Variants in RBFOX1 observed in about 807,000 individuals in gnomAD.
The protein encoded by RBFOX1 is RNA binding fox-1 homolog 1.
A neutral mutation model predicts 57.7 loss-of-function variants in RBFOX1; 8 were observed. The ratio of observed to expected loss-of-function variants is 0.14; its 90% CI spans 0.08 to 0.25. The LOEUF is 0.25. Among genes scored for constraint, RBFOX1 ranks in the 10% least tolerant of loss-of-function variants. RBFOX1 has a pLI of 1.00. For missense variants in RBFOX1, 611 were observed against 548.5 expected, an observed-to-expected ratio of 1.11 and a Z score of -1.14; for synonymous variants, 326 against 222.4, an observed-to-expected ratio of 1.47 and a Z score of -4.15.
chr16:6,871,954 TG>T (rs1372934814), intron 3 of RBFOX1, among the ~76,000 whole-genome samples: 4 of 150,242 alleles, frequency 2.7e-5, no homozygotes, highest in African/African-American at 4.9e-5. Context: ...TGTGTGTGTG[TG>T]TGTGTGTTTC....
intron 2 of RBFOX1, among the ~76,000 whole-genome samples, chr16:6,642,933 C>T (rs998665277): frequency 2.0e-5 from 3 of 152,144 alleles, no homozygotes; most frequent in South Asian, 2.1e-4. Flanking sequence ...AGTTTACATG[C>T]GTTGTTTGCT....
intron 4 of RBFOX1, among the ~76,000 whole-genome samples, chr16:7,230,047 GAA>G (rs2093407611): frequency 2.8e-5 from 2 of 70,200 alleles, no homozygotes; most frequent in African/African-American, 4.0e-5. Context: ...GGAGAGAGAG[GAA>G]GGAAAGGAGA....
At chr16:5,251,392 G>A (rs1252762191) in intron 1 of RBFOX1, among the ~76,000 whole-genome samples, 3 of 152,220 alleles carry the variant, frequency 2.0e-5, no homozygotes, top group Non-Finnish European at 4.4e-5. Flanking sequence ...CACGTGTGGG[G>A]CAGGGCTGTT....
At chr16:6,231,131 G>A (rs1236620718) in intron 1 of RBFOX1, among the ~76,000 whole-genome samples, 3 of 152,054 alleles carry the variant, frequency 2.0e-5, no homozygotes, top group East Asian at 1.9e-4. Context: ...TAATTAAGCT[G>A]AAATCTGAAT....
At chr16:6,231,078 C>G (rs966208418) in intron 1 of RBFOX1, among the ~76,000 whole-genome samples, 2 of 151,990 alleles carry the variant, frequency 1.3e-5, no homozygotes, top group South Asian at 4.2e-4. Flanking sequence ...AAAGAAGGGT[C>G]TATTTGGGTA....
intron 2 of RBFOX1, among the ~76,000 whole-genome samples, chr16:6,574,512 TC>T (rs1281124282): frequency 1.4e-5 from 2 of 141,032 alleles, no homozygotes; most frequent in Admixed American, 1.5e-4. Context: ...CACTGCAAGC[TC>T]CGCTTCCAGG....
intron 3 of RBFOX1, among the ~76,000 whole-genome samples, chr16:6,891,920 C>T (rs1030608271): frequency 1.3e-5 from 2 of 152,150 alleles, no homozygotes; most frequent in African/African-American, 2.4e-5. Context: ...CCTTTCTTTC[C>T]AGCAAGTCGG....
chr16:6,711,031 C>A (rs573906789), intron 3 of RBFOX1, among the ~76,000 whole-genome samples: 1 of 152,316 alleles, frequency 6.6e-6, no homozygotes, highest in Non-Finnish European at 1.5e-5. Context: ...ATGATACAAT[C>A]TGCCTTAAAG....
intron 3 of RBFOX1, among the ~76,000 whole-genome samples, chr16:7,046,237 G>T (rs1021224029): frequency 2.0e-5 from 3 of 146,590 alleles, no homozygotes; most frequent in African/African-American, 2.5e-5. Context: ...TAGGTAAAGG[G>T]GTGTGTGTGT....
chr16:7,024,078 G>T (rs1454253303), intron 3 of RBFOX1, among the ~76,000 whole-genome samples: 1 of 152,050 alleles, frequency 6.6e-6, no homozygotes, highest in Admixed American at 6.5e-5. Flanking sequence ...TTAACAGCAG[G>T]GTGTGGCTTG....
At chr16:5,764,960 A>G (rs1402452171) in intron 3 of RBFOX1, among the ~76,000 whole-genome samples, 1 of 152,212 alleles carries the variant, frequency 6.6e-6, no homozygotes, top group Non-Finnish European at 1.5e-5. Context: ...AAGGCAAAGT[A>G]GTTTGCCCAA....
chr16:6,590,825 C>G (rs936521719), intron 2 of RBFOX1, among the ~76,000 whole-genome samples: 7 of 123,726 alleles, frequency 5.7e-5, no homozygotes, highest in African/African-American at 2.2e-4. Flanking sequence ...ACAGCTCTGT[C>G]ATATTGGCAA....
chr16:6,022,724 G>A (rs1349568293), intron 1 of RBFOX1, among the ~76,000 whole-genome samples: 3 of 152,094 alleles, frequency 2.0e-5, no homozygotes, highest in Non-Finnish European at 4.4e-5. Flanking sequence ...AAAACAATTT[G>A]TGATAGTATC....
At chr16:7,206,092 G>C (rs538608454) in intron 4 of RBFOX1, among the ~76,000 whole-genome samples, 1 of 152,282 alleles carries the variant, frequency 6.6e-6, no homozygotes, top group Admixed American at 6.5e-5. Context: ...ATGTTAAGCA[G>C]GTTTAGGGAA....
Position 5,978,737 on chromosome 16 carries a change from C to T in RBFOX1, c.351+111402C>T, listed in dbSNP as rs555205969. ...ATGACAGTGTTGAGGGGTACCAGTC[C>T]GGCGTCCTGTACATCCAGTCTGGGT... is the stretch of plus-strand genomic sequence containing the variant. On this transcript the variant is annotated intron_variant, in intron 4 of 19. Transcript: ENST00000641259. Among the ~76,000 whole-genome samples, 152 of 151,226 alleles carry T rather than the reference C, an allele frequency of 1.0e-3. 1 individual carries two copies. Among genetic ancestry groups the T allele is most frequent in the African/African-American group, 3.3e-3 (137 of 41,162 alleles).
chr16:6,501,306 A>G (rs1598354721), intron 2 of RBFOX1, among the ~76,000 whole-genome samples: 1 of 90,462 alleles, frequency 1.1e-5, no homozygotes. Flanking sequence ...CCACCCCACA[A>G]CAGTCCCCGG....
intron 3 of RBFOX1, among the ~76,000 whole-genome samples, chr16:6,735,923 A>ATT (rs138048642): frequency 0.25 from 37,365 of 149,844 alleles, 5,570 homozygotes; most frequent in East Asian, 0.41. Context: ...TTTTGTCGCC[A>ATT]TTTTTTTTTT....
chr16:7,610,462 G>T (rs1256390199), intron 10 of RBFOX1, among the ~76,000 whole-genome samples: 1 of 151,862 alleles, frequency 6.6e-6, no homozygotes, highest in Non-Finnish European at 1.5e-5. Flanking sequence ...GCAAACCAGT[G>T]AAATAAAAGA....
chr16:6,662,681 C>G (rs1177755390), intron 3 of RBFOX1, among the ~76,000 whole-genome samples: 2 of 152,092 alleles, frequency 1.3e-5, no homozygotes, highest in Non-Finnish European at 2.9e-5. Context: ...ACCTAAAAGA[C>G]TCAAACATTT....
Sources: gnomAD v4.1 joint callset for allele counts (sites outside exome capture counted in the v4.1 genomes callset) on GRCh38, gnomAD v4.1.1 for gene constraint, MANE v1.5 for transcripts, NCBI Gene and HGNC (gene_info 2026-07-23, HGNC 2026-07-21) for gene names.